CAPRIN1: variants seen among roughly 807,000 people sequenced by gnomAD.
The protein encoded by CAPRIN1 is caprin-1.
Under a neutral mutation model 100.9 loss-of-function variants are expected in CAPRIN1, and 29 were observed. The ratio of observed to expected loss-of-function variants is 0.29; its 90% CI spans 0.21 to 0.39. CAPRIN1 has a LOEUF of 0.39. CAPRIN1 is among the 10% of genes least tolerant of loss of function. The probability of loss-of-function intolerance (pLI) is 1.00; values close to 1 mark genes in which losing one functional copy is unlikely to be tolerated. For synonymous variants in CAPRIN1, 338 were observed against 307.5 expected, an observed-to-expected ratio of 1.10 and a Z score of -1.04; for missense variants, 795 against 876.7, an observed-to-expected ratio of 0.91 and a Z score of 1.18.
chr11:34,062,891 C>G (rs1247604573), intron 2 of CAPRIN1, among the ~76,000 whole-genome samples: 1 of 152,002 alleles, frequency 6.6e-6, no homozygotes, highest in Admixed American at 6.6e-5. Context: ...TCAGATGTTT[C>G]CTCCTAATCT....
intron 4 of CAPRIN1, among the ~76,000 whole-genome samples, chr11:34,072,858 G>C (rs1426152458): frequency 2.0e-5 from 3 of 152,156 alleles, no homozygotes; most frequent in African/African-American, 7.2e-5. Context: ...TTGTAATACT[G>C]TATTTTTACT....
rs1851371224 is a variant in CAPRIN1 at position 34,096,599 on chromosome 11, G to A, written c.1826G>A (p.Gly609Asp). The change falls in exon 16 of 19, where the codon GGT becomes GAT. Residue 609 changes from glycine to aspartate, a missense_variant. By Grantham distance (94) the Gly-to-Asp change is moderately conservative (BLOSUM62 -1). This residue lies in a region of CAPRIN1 where 648 missense variants were observed against 697.9 expected (regional missense o/e 0.93). Coordinates refer to ENST00000341394, the MANE Select transcript of CAPRIN1 (RefSeq NM_005898.5). ...AATCAGCCCTATTACAATAGTCGTG[G>A]TGTGTCTCGTGGAGGCTCCCGTGGT... ...RSNQPYYNSRGVSRGGSRGAR... is the reference protein window; with the variant it reads ...RSNQPYYNSRDVSRGGSRGAR... 1 of 1,613,822 alleles carries A rather than the reference G, an allele frequency of 6.2e-7. No homozygotes were observed. Among genetic ancestry groups the A allele is most frequent in the African/African-American group, 1.3e-5 (1 of 74,890 alleles).
intron 2 of CAPRIN1, 59 bp from the exon 3 acceptor site, chr11:34,071,667 G>T: frequency 8.4e-7 from 1 of 1,194,556 alleles, no homozygotes; most frequent in African/African-American, 1.5e-5. Context: ...TGTCAAGCAT[G>T]CTTAAGCTGG....
chr11:34,052,404 C>T lies in CAPRIN1; in HGVS notation c.1-17C>T. ...TCCTTCCTCCCGCTTTTTCTTCTCT[C>T]TCCTTGCGGTCTGAAGATGCCCTCG... is the stretch of plus-strand genomic sequence containing the variant. On this transcript the variant is annotated splice_polypyrimidine_tract_variant and intron_variant, in intron 1 of 18. Transcript: ENST00000341394. The T allele has an allele frequency of 1.2e-6, 2 of 1,601,016 alleles. No homozygotes were observed. Among genetic ancestry groups the T allele is most frequent in the South Asian group, 1.1e-5 (1 of 90,610 alleles).
At position 34,097,704 on chromosome 11, in the gene CAPRIN1, T is replaced by C. The variant is rs1365722669; in HGVS notation, c.2008T>C (p.Tyr670His). 6.2e-7 allele frequency: 1 copy of C among 1,613,998 alleles called. No individual in the cohort carries two copies. Among genetic ancestry groups the C allele is most frequent in the East Asian group, 2.2e-5 (1 of 44,894 alleles). ...RDYSGYQRDG[Y>H]QQNFKRGSGQ... ...TAACTAGCTTGTCTTTTAGGATGGA[T>C]ATCAGCAGAATTTCAAGCGAGGCTC... The change falls in exon 18 of 19, where the codon TAT (tyrosine) becomes CAT (histidine). Residue 670 changes from tyrosine to histidine, a missense_variant. Physicochemically the swap from Tyr to His is moderately conservative, Grantham distance 83 (BLOSUM62 2). This residue lies in a region of CAPRIN1 where 648 missense variants were observed against 697.9 expected (regional missense o/e 0.93). Transcript: ENST00000341394.
chr11:34,065,186 T>C (rs868724740), intron 2 of CAPRIN1, among the ~76,000 whole-genome samples: 3 of 152,022 alleles, frequency 2.0e-5, no homozygotes, highest in African/African-American at 7.2e-5. Context: ...ATGGTCTCGA[T>C]CTCCCGACCT....
chr11:34,069,461 C>A (rs1446228575), intron 2 of CAPRIN1, among the ~76,000 whole-genome samples: 1 of 151,912 alleles, frequency 6.6e-6, no homozygotes, highest in African/African-American at 2.4e-5. Context: ...TTTTTTATTT[C>A]TTAAAAATAG....
intron 2 of CAPRIN1, chr11:34,056,398 C>T (rs1219857425): frequency 6.6e-6 from 1 of 152,152 alleles, no homozygotes; most frequent in Non-Finnish European, 1.5e-5. Context: ...TAAGCATCTG[C>T]TCATTGAGAA....
At chr11:34,084,785 A>G (rs1851105827) in intron 9 of CAPRIN1, among the ~76,000 whole-genome samples, 1 of 152,218 alleles carries the variant, frequency 6.6e-6, no homozygotes, top group Admixed American at 6.5e-5. Context: ...GAAATGAACT[A>G]TTAACATATT....
At position 34,101,823 on chromosome 11, in the gene CAPRIN1, T is replaced by C. The variant is rs1409183504; in HGVS notation, c.*2456T>C. On this transcript the variant is annotated 3_prime_UTR_variant, in exon 19 of 19. Transcript: ENST00000341394. Reference sequence around the variant, plus strand: ...CCTTTTGTTTGGTCAAATGCATATTTTAGCAGAGTTTCAAGGAAATGATTG... The same window carrying C: ...CCTTTTGTTTGGTCAAATGCATATTCTAGCAGAGTTTCAAGGAAATGATTG... Among the ~76,000 whole-genome samples, 2 of 152,162 alleles carry C rather than the reference T, an allele frequency of 1.3e-5. No individual in the cohort carries two copies. The highest frequency in any genetic ancestry group is 3.8e-4 in the East Asian group (2 of 5,196).
intron 2 of CAPRIN1, among the ~76,000 whole-genome samples, chr11:34,070,394 CT>C (rs940736658): frequency 3.9e-5 from 6 of 152,096 alleles, no homozygotes; most frequent in African/African-American, 1.2e-4. Context: ...AAAAAAAATA[CT>C]TTTTTTCCCC....
chr11:34,094,419 G>A (rs968616789), intron 15 of CAPRIN1, among the ~76,000 whole-genome samples: 1 of 152,130 alleles, frequency 6.6e-6, no homozygotes, highest in African/African-American at 2.4e-5. Flanking sequence ...TTTTGAATTA[G>A]TGTCTAATCA....
chr11:34,077,305 T>G (rs1264841393), intron 6 of CAPRIN1, among the ~76,000 whole-genome samples: 1 of 152,220 alleles, frequency 6.6e-6, no homozygotes, highest in Non-Finnish European at 1.5e-5. Flanking sequence ...AGATAGGGAC[T>G]GTTTGTTTTA....
At chr11:34,060,613 G>A (rs1850558412) in intron 2 of CAPRIN1, among the ~76,000 whole-genome samples, 1 of 152,136 alleles carries the variant, frequency 6.6e-6, no homozygotes, top group Non-Finnish European at 1.5e-5. Flanking sequence ...TTTACATTGT[G>A]GACAGGAAAG....
intron 2 of CAPRIN1, among the ~76,000 whole-genome samples, chr11:34,064,656 T>C (rs930051419): frequency 5.0e-4 from 76 of 152,336 alleles, no homozygotes; most frequent in African/African-American, 1.8e-3. Context: ...CATTTTGGTA[T>C]TTACCACTTA....
intron 2 of CAPRIN1, among the ~76,000 whole-genome samples, chr11:34,066,113 C>T (rs1434297818): frequency 6.6e-6 from 1 of 152,042 alleles, no homozygotes; most frequent in South Asian, 2.1e-4. Flanking sequence ...CCTCCTGGGA[C>T]TGCAGGTGCG....
At chr11:34,096,758 G>T in intron 16 of CAPRIN1, 85 bp downstream of exon 16, 1 of 1,044,454 alleles carries the variant, frequency 9.6e-7, no homozygotes, top group East Asian at 2.6e-5. Flanking sequence ...CACAGTTTTT[G>T]GGAAGGATGT....
At chr11:34,055,225 A>G (rs1336445353) in intron 2 of CAPRIN1, among the ~76,000 whole-genome samples, 2 of 150,676 alleles carry the variant, frequency 1.3e-5, no homozygotes, top group East Asian at 3.9e-4. Flanking sequence ...GTGCGGTAGG[A>G]TGATCTTGGC....
intron 2 of CAPRIN1, among the ~76,000 whole-genome samples, chr11:34,057,434 A>G (rs1850475523): frequency 6.6e-6 from 1 of 152,186 alleles, no homozygotes; most frequent in African/African-American, 2.4e-5. Context: ...ACGTGGCCAA[A>G]TTAGTGTACT....
Sources: gnomAD v4.1 joint callset for allele counts (sites outside exome capture counted in the v4.1 genomes callset) on GRCh38, gnomAD v4.1.1 for gene constraint, gnomAD v4.1.1 regional missense constraint, MANE v1.5 for transcripts, NCBI Gene and HGNC (gene_info 2026-07-23, HGNC 2026-07-21) for gene names.